Variants in ACAD11 observed in about 807,000 individuals in gnomAD.
ACAD11 encodes the protein acyl-CoA dehydrogenase family member 11.
A neutral mutation model predicts 102.2 loss-of-function variants in ACAD11; 83 were observed. The observed-to-expected ratio is 0.81, with a 90% CI of 0.68 to 0.97. ACAD11 has a LOEUF of 0.97. Among genes scored for constraint, ACAD11 ranks in the 50% least tolerant of loss-of-function variants. The pLI is 0.00. For synonymous variants in ACAD11, 324 were observed against 319.8 expected (o/e 1.01, Z -0.14); for missense variants, 901 against 951.7 (o/e 0.95, Z 0.70).
intron 1 of ACAD11, chr3:132,648,820 T>C (rs1313091366): frequency 6.6e-6 from 1 of 152,258 alleles, no homozygotes; most frequent in African/African-American, 2.4e-5. Flanking sequence ...GAGATCAGAC[T>C]GTTACTGTGT....
chr3:132,596,781 G>C (rs1938327711), intron 13 of ACAD11, among the ~76,000 whole-genome samples: 1 of 152,126 alleles, frequency 6.6e-6, no homozygotes, highest in African/African-American at 2.4e-5. Context: ...GACTCTAGTA[G>C]TTTAAATAAA....
intron 11 of ACAD11, among the ~76,000 whole-genome samples, chr3:132,611,719 A>G (rs1188863667): frequency 2.6e-5 from 4 of 152,178 alleles, no homozygotes; most frequent in African/African-American, 9.7e-5. Context: ...TCAATGAAAT[A>G]AAAGAGGATA....
intron 11 of ACAD11, among the ~76,000 whole-genome samples, chr3:132,617,923 A>C (rs1296708352): frequency 6.6e-6 from 1 of 152,162 alleles, no homozygotes; most frequent in East Asian, 1.9e-4. Context: ...CAGCATGACT[A>C]ACTCAAGAAA....
chr3:132,636,076 G>A (rs1394253802), intron 5 of ACAD11, among the ~76,000 whole-genome samples: 1 of 152,030 alleles, frequency 6.6e-6, no homozygotes, highest in Non-Finnish European at 1.5e-5. Flanking sequence ...CAGAATATCT[G>A]AACCATTTTT....
At chr3:132,562,791 T>A (rs1443270947) in intron 17 of ACAD11, among the ~76,000 whole-genome samples, 1 of 152,228 alleles carries the variant, frequency 6.6e-6, no homozygotes, top group East Asian at 1.9e-4. Flanking sequence ...ACTATTTGAT[T>A]TAGAGAGTCC....
In ACAD11 at chr3:132,617,742, C is replaced by G. The variant is rs562511846; in HGVS notation, c.1414+892G>C. On this transcript the variant is annotated intron_variant, in intron 11 of 19. Transcript: ENST00000264990. ...CTCATCCTTTCAATGAAGGTATAAG[C>G]CCCTCTTATTTGCCCTATGAAGCTC... 2.0e-5 allele frequency among the ~76,000 whole-genome samples: 3 copies of G among 152,302 alleles called. No individual in the cohort carries two copies. The East Asian group carries it at 5.8e-4, about 29-fold the overall frequency.
In ACAD11 at chr3:132,618,770, T is replaced by C. The variant is rs751501341; in HGVS notation, c.1278A>G (p.Glu426=). ...GKPLVIDKLK[E]MAKVEGLWNL... ...TCCAGAGACCCTCGACTTTGGCCATTTCCTGTCAAGGTGATGAACATGCCA... is the reference window on the plus strand; with the variant it reads ...TCCAGAGACCCTCGACTTTGGCCATCTCCTGTCAAGGTGATGAACATGCCA... The change falls in exon 11 of 20, where the codon GAA becomes GAG. Residue 426 remains glutamate, a splice_region_variant and synonymous_variant. Coordinates refer to ENST00000264990, the MANE Select transcript of ACAD11 (RefSeq NM_032169.5). 3.8e-6 allele frequency: 6 copies of C among 1,587,568 alleles called. No individual in the cohort carries two copies. The African/African-American group carries it at 8.2e-5, about 22-fold the overall frequency.
At chr3:132,624,562 G>A (rs997022560) in intron 9 of ACAD11, among the ~76,000 whole-genome samples, 3 of 147,792 alleles carry the variant, frequency 2.0e-5, no homozygotes, top group Non-Finnish European at 3.0e-5. Flanking sequence ...CCGAGATGGT[G>A]CCACTGCACT....
At chr3:132,563,526 TA>T (rs200611416) in intron 17 of ACAD11, among the ~76,000 whole-genome samples, 5 of 152,042 alleles carry the variant, frequency 3.3e-5, no homozygotes, top group South Asian at 2.1e-4. Flanking sequence ...GAGTAGTACT[TA>T]AAAAAAACTG....
intron 13 of ACAD11, among the ~76,000 whole-genome samples, chr3:132,583,105 G>C (rs567111797): frequency 2.0e-5 from 3 of 152,222 alleles, no homozygotes; most frequent in African/African-American, 7.2e-5. Context: ...CTATTGATTG[G>C]AATAGTTTCA....
intron 5 of ACAD11, among the ~76,000 whole-genome samples, chr3:132,634,696 C>T (rs1239102322): frequency 6.6e-6 from 1 of 152,006 alleles, no homozygotes; most frequent in African/African-American, 2.4e-5. Context: ...GAAAATGTGG[C>T]ACATATACAC....
At position 132,659,505 on chromosome 3, in the gene ACAD11, T is replaced by C. The variant is rs1038970306; in HGVS notation, c.149+98A>G. ...CGTCCACTGACTGCAGGAAAAGCAA[T>C]CAGGGTGGGAGAAACTTAGGAAACC... is the stretch of plus-strand genomic sequence containing the variant. On this transcript the variant is annotated intron_variant, in intron 1 of 19. Transcript: ENST00000264990. 4 of 1,542,578 alleles carry C rather than the reference T, an allele frequency of 2.6e-6. No homozygotes were observed. The Admixed American group carries it at 7.8e-5, about 30-fold the overall frequency.
intron 11 of ACAD11, among the ~76,000 whole-genome samples, chr3:132,617,541 C>T (rs1345245641): frequency 2.0e-5 from 3 of 152,178 alleles, no homozygotes; most frequent in Admixed American, 6.6e-5. Context: ...TACTTATCAT[C>T]CACTACACTA....
rs1484214279 is a variant in ACAD11, at chr3:132,642,063, G to A, written c.446C>T (p.Thr149Met). 5 of 1,614,020 alleles carry A rather than the reference G, an allele frequency of 3.1e-6. No homozygotes were observed. Among genetic ancestry groups the A allele is most frequent in the South Asian group, 2.2e-5 (2 of 91,074 alleles). The change falls in exon 4 of 20, where the codon ACG becomes ATG. Residue 149 changes from threonine to methionine, a missense_variant. By Grantham distance (81) the Thr-to-Met change is moderately conservative. Coordinates refer to ENST00000264990, the MANE Select transcript of ACAD11 (RefSeq NM_032169.5). ...ATGTAACTGAGCCAATGTTTCTACC[G>A]TGGCCACATATATGGCTGAACGTTC... is the stretch of plus-strand genomic sequence containing the variant. ...PAERSAIYVA[T>M]VETLAQLHSL...
chr3:132,607,427 T>C (rs1938896044), intron 11 of ACAD11, among the ~76,000 whole-genome samples: 1 of 152,056 alleles, frequency 6.6e-6, no homozygotes, highest in African/African-American at 2.4e-5. Context: ...GAGAAGACCA[T>C]AAATGACCTG....
At chr3:132,615,499 A>T (rs1939369300) in intron 11 of ACAD11, among the ~76,000 whole-genome samples, 1 of 152,214 alleles carries the variant, frequency 6.6e-6, no homozygotes, top group African/African-American at 2.4e-5. Context: ...GCAGCCATAA[A>T]AAAGGGATGA....
intron 11 of ACAD11, among the ~76,000 whole-genome samples, chr3:132,613,878 G>A (rs1010157462): frequency 6.6e-5 from 10 of 151,918 alleles, no homozygotes; most frequent in African/African-American, 9.7e-5. Flanking sequence ...CAGCTTGGGC[G>A]AGACGAGTGA....
At chr3:132,625,419 G>A (rs1939773398) in intron 9 of ACAD11, among the ~76,000 whole-genome samples, 1 of 152,082 alleles carries the variant, frequency 6.6e-6, no homozygotes, top group Admixed American at 6.5e-5. Flanking sequence ...GGAGGACAAT[G>A]TTGAATTCAC....
At position 132,630,577 on chromosome 3, in the gene ACAD11, A is replaced by G; in HGVS notation, c.842-19T>C. On this transcript the variant is annotated intron_variant, in intron 6 of 19. Coordinates refer to ENST00000264990, the MANE Select transcript of ACAD11 (RefSeq NM_032169.5). ...GGTATCCCTATAAAAACAGCATGTA[A>G]TATAAACTTTAATTAAAATGTCGTG... 1 of 1,586,136 alleles carries G rather than the reference A, an allele frequency of 6.3e-7. No homozygotes were observed. Among genetic ancestry groups the G allele is most frequent in the Non-Finnish European group, 8.6e-7 (1 of 1,167,292 alleles).
Sources: allele counts gnomAD v4.1 joint callset (sites outside exome capture counted in the v4.1 genomes callset), GRCh38; gene constraint gnomAD v4.1.1; transcripts MANE v1.5; gene names NCBI Gene and HGNC (gene_info 2026-07-23, HGNC 2026-07-21).